The following CDC73 variants were observed in gnomAD, a reference collection of about 807,000 sequenced individuals.
CDC73 encodes the protein cell division cycle 73.
Under a neutral mutation model 83.7 loss-of-function variants are expected in CDC73, and 21 were observed. The observed-to-expected ratio is 0.25, with a 90% CI of 0.18 to 0.36. The LOEUF (loss-of-function observed/expected upper bound fraction) is 0.36, where lower values mean the gene tolerates loss of function less well. Among genes scored for constraint, CDC73 ranks in the 10% least tolerant of loss-of-function variants. CDC73 has a pLI of 1.00. For missense variants in CDC73, 342 were observed against 653.3 expected, an observed-to-expected ratio of 0.52 and a Z score of 5.19; for synonymous variants, 224 against 212.9, an observed-to-expected ratio of 1.05 and a Z score of -0.45.
At chr1:193,126,166 G>C (rs61443338) in intron 2 of CDC73, among the ~76,000 whole-genome samples, 6,525 of 152,198 alleles carry the variant, frequency 0.043, 471 homozygotes, top group African/African-American at 0.15. Context: ...CCTGTGGAAG[G>C]ACCCTGTTAC....
intron 8 of CDC73, among the ~76,000 whole-genome samples, chr1:193,149,560 G>GCTTC (rs1676068871): frequency 1.3e-5 from 2 of 152,062 alleles, no homozygotes; most frequent in African/African-American, 2.4e-5. Flanking sequence ...AATACTTGAA[G>GCTTC]GTTTTAATGT....
chr1:193,132,919 G>C (rs374865489), intron 3 of CDC73, among the ~76,000 whole-genome samples: 1 of 30,780 alleles, frequency 3.2e-5, no homozygotes, highest in Non-Finnish European at 6.7e-5. Context: ...TTTTTTTTTT[G>C]AGAAGGAATC....
At chr1:193,179,034 A>C (rs1460786826) in intron 10 of CDC73, 1 of 152,234 alleles carries the variant, frequency 6.6e-6, no homozygotes, top group African/African-American at 2.4e-5. Context: ...GAAAATACTT[A>C]TAACACTCAG....
chr1:193,199,515 CAGCCTGGCCAACATGGTGA>C (rs1466579531), intron 10 of CDC73, among the ~76,000 whole-genome samples: 1 of 151,874 alleles, frequency 6.6e-6, no homozygotes, highest in Non-Finnish European at 1.5e-5. Context: ...AATTTGAGAC[CAGCCTGGCCAACATGGTGA>C]AACTCTGTTT....
chr1:193,122,368 G>A (rs1187909203), intron 1 of CDC73, 37 bp downstream of exon 1: 1 of 1,613,480 alleles, frequency 6.2e-7, no homozygotes, highest in Non-Finnish European at 8.5e-7. Context: ...GGGTGGCAGG[G>A]CAGAGTTGGG....
chr1:193,152,407 TG>T lies in CDC73; in HGVS notation c.938del (p.Gly313GlufsTer6). ...EETEGFKIDT[M>X]GTYHGMTLKS... ...ACGGAAGGCTTCAAAATTGACACTA[TG>T]GGAACCTACCATGGTATGACACTGA... On this transcript the variant is annotated frameshift_variant, in exon 10 of 17. Coordinates refer to ENST00000367435, the MANE Select transcript of CDC73 (RefSeq NM_024529.5). LOFTEE classifies it high-confidence loss of function. The T allele has an allele frequency of 6.2e-7, 1 of 1,612,184 alleles. No individual in the cohort carries two copies. Among genetic ancestry groups the T allele is most frequent in the South Asian group, 1.1e-5 (1 of 91,026 alleles).
chr1:193,242,195 GC>G (rs568988414), intron 15 of CDC73, among the ~76,000 whole-genome samples: 2 of 152,174 alleles, frequency 1.3e-5, no homozygotes, highest in Non-Finnish European at 2.9e-5. Flanking sequence ...TCTGGTGGGG[GC>G]CGAGCCCTCA....
chr1:193,221,242 T>G (rs1483500300), intron 13 of CDC73, among the ~76,000 whole-genome samples: 1 of 152,212 alleles, frequency 6.6e-6, no homozygotes, highest in Non-Finnish European at 1.5e-5. Context: ...TGATTTTATG[T>G]ATGTGTGTTT....
intron 11 of CDC73, among the ~76,000 whole-genome samples, chr1:193,204,105 T>C (rs1048004216): frequency 6.6e-6 from 1 of 151,350 alleles, no homozygotes; most frequent in African/African-American, 2.4e-5. Flanking sequence ...ATAAATAAAG[T>C]GAAAGCATAG....
intron 13 of CDC73, among the ~76,000 whole-genome samples, chr1:193,212,899 A>G (rs1168316690): frequency 1.3e-5 from 2 of 152,184 alleles, no homozygotes; most frequent in African/African-American, 4.8e-5. Flanking sequence ...AGAAGTGAAA[A>G]TGAAACCTAT....
intron 9 of CDC73, 56 bp downstream of exon 9, chr1:193,150,438 C>T: frequency 8.2e-7 from 1 of 1,214,336 alleles, no homozygotes; most frequent in Non-Finnish European, 1.2e-6. Flanking sequence ...ACTTGAGAGG[C>T]AGTGTGGCCT....
At chr1:193,155,166 GT>G (rs1676185114) in intron 10 of CDC73, among the ~76,000 whole-genome samples, 3 of 152,172 alleles carry the variant, frequency 2.0e-5, no homozygotes, top group Admixed American at 2.0e-4. Context: ...AGAAGGATAT[GT>G]TTTGATAATC....
chr1:193,172,689 T>C (rs1312690269), intron 10 of CDC73, among the ~76,000 whole-genome samples: 1 of 152,210 alleles, frequency 6.6e-6, no homozygotes, highest in Non-Finnish European at 1.5e-5. Context: ...TTGTGAAGAC[T>C]ACAGTTACCT....
intron 7 of CDC73, among the ~76,000 whole-genome samples, chr1:193,146,913 G>A (rs1227840184): frequency 1.3e-5 from 2 of 152,128 alleles, no homozygotes; most frequent in East Asian, 3.8e-4. Flanking sequence ...AATTAGCACT[G>A]GAGTTTAACA....
intron 15 of CDC73, among the ~76,000 whole-genome samples, chr1:193,241,897 A>T (rs773068336): frequency 6.6e-6 from 1 of 152,152 alleles, no homozygotes; most frequent in Non-Finnish European, 1.5e-5. Context: ...TGCTACCAGC[A>T]CTTGGGTCCT....
At chr1:193,249,976 T>G in intron 16 of CDC73, 105 bp downstream of exon 16, 1 of 1,013,478 alleles carries the variant, frequency 9.9e-7, no homozygotes, top group Non-Finnish European at 1.6e-6. Flanking sequence ...CCTAATTCCC[T>G]TCTTTCAACA....
intron 13 of CDC73, among the ~76,000 whole-genome samples, chr1:193,227,543 A>G (rs138528491): frequency 6.6e-6 from 1 of 152,168 alleles, no homozygotes; most frequent in African/African-American, 2.4e-5. Context: ...GACTTTGTAG[A>G]TTATCATAAT....
Position 193,122,043 on chromosome 1 carries a change from G to T in CDC73, c.-158G>T. On this transcript the variant is annotated 5_prime_UTR_variant, in exon 1 of 17. Coordinates refer to ENST00000367435, the MANE Select transcript of CDC73 (RefSeq NM_024529.5). ...GGCGGCCTGGGTGGCTACTGCCCCT[G>T]CTGCTGTCGTAGGCGAGGACGGCTG... The T allele has an allele frequency of 1.5e-6, 1 of 687,988 alleles. No homozygotes were observed. Among genetic ancestry groups the T allele is most frequent in the Non-Finnish European group, 2.5e-6 (1 of 394,770 alleles). The allele number at this position is 687,988 out of a possible 1,614,324, so 42.6% of individuals were successfully genotyped here.
chr1:193,242,001 G>A (rs1479479977), intron 15 of CDC73, among the ~76,000 whole-genome samples: 1 of 151,982 alleles, frequency 6.6e-6, no homozygotes, highest in Non-Finnish European at 1.5e-5. Flanking sequence ...GCTGTGATTG[G>A]GAGAATCTGT....
Sources: allele counts gnomAD v4.1 joint callset (sites outside exome capture counted in the v4.1 genomes callset), GRCh38; gene constraint gnomAD v4.1.1; transcripts MANE v1.5; gene names NCBI Gene and HGNC (gene_info 2026-07-23, HGNC 2026-07-21).